PCDHA6: variants seen among roughly 807,000 people sequenced by gnomAD.
PCDHA6 encodes the protein protocadherin alpha-6.
In PCDHA6, 55 loss-of-function variants were observed where a neutral mutation model predicts 60.3. The observed-to-expected ratio is 0.91, with a 90% confidence interval of 0.73 to 1.14. The LOEUF (loss-of-function observed/expected upper bound fraction) is 1.14. Ranked by LOEUF, PCDHA6 falls within the 50% of genes most tolerant of loss-of-function variation. PCDHA6 has a pLI of 0.00. For synonymous variants in PCDHA6, 652 were observed against 557.9 expected, an observed-to-expected ratio of 1.17 and a Z score of -2.38; for missense variants, 1,327 against 1,256.5, an observed-to-expected ratio of 1.06 and a Z score of -0.85.
chr5:141,000,421 A>ATTTTTTTTTTTTT (rs34755515), intron 3 of PCDHA6, among the ~76,000 whole-genome samples: 1 of 27,968 alleles, frequency 3.6e-5, no homozygotes, highest in African/African-American at 1.8e-4. Flanking sequence ...ATATATATAT[A>ATTTTTTTTTTTTT]TTTTTTTTTT....
intron 1 of PCDHA6, chr5:140,877,965 G>A (rs1049843517): frequency 1.8e-5 from 23 of 1,304,904 alleles, no homozygotes; most frequent in Non-Finnish European, 2.2e-5. Context: ...CATCTTTCTT[G>A]GTCATTCTTA....
chr5:140,989,609 T>C (rs782186182), intron 3 of PCDHA6, among the ~76,000 whole-genome samples: 4 of 152,178 alleles, frequency 2.6e-5, no homozygotes, highest in Non-Finnish European at 5.9e-5. Flanking sequence ...AAACTAAAAA[T>C]GAAAGTCTGT....
At chr5:140,979,067 A>C (rs1938790025) in intron 2 of PCDHA6, 60 bp downstream of exon 2, 1 of 1,601,882 alleles carries the variant, frequency 6.2e-7, no homozygotes, top group Non-Finnish European at 8.5e-7. Flanking sequence ...GCTCAGATAA[A>C]CTGCATCTCC....
chr5:140,841,966 A>G, intron 1 of PCDHA6: 1 of 1,613,924 alleles, frequency 6.2e-7, no homozygotes, highest in Non-Finnish European at 8.5e-7. Context: ...TGACAGCCAC[A>G]GATGGGGGCA....
intron 1 of PCDHA6, chr5:140,853,694 G>A (rs1425849966): frequency 1.0e-6 from 1 of 988,064 alleles, no homozygotes; most frequent in African/African-American, 1.8e-5. Context: ...CCTTAGACCT[G>A]CTAACGCATT....
intron 1 of PCDHA6, chr5:140,882,841 A>G: frequency 6.2e-7 from 1 of 1,614,232 alleles, no homozygotes; most frequent in East Asian, 2.2e-5. Flanking sequence ...AAATGTCTTC[A>G]TTATCACTTG....
At chr5:140,948,253 A>C (rs782144804) in intron 1 of PCDHA6, among the ~76,000 whole-genome samples, 14 of 151,624 alleles carry the variant, frequency 9.2e-5, no homozygotes, top group Admixed American at 2.6e-4. Flanking sequence ...ATATTTTTAC[A>C]TCTGTGTTCA....
At chr5:140,843,304 C>G (rs2150356889) in intron 1 of PCDHA6, 4 of 1,595,876 alleles carry the variant, frequency 2.5e-6, no homozygotes, top group Middle Eastern at 1.7e-4. Context: ...CGCTGACCGC[C>G]ACGGCCACGG....
At chr5:140,932,709 A>G (rs2088560759) in intron 1 of PCDHA6, among the ~76,000 whole-genome samples, 1 of 151,956 alleles carries the variant, frequency 6.6e-6, no homozygotes, top group African/African-American at 2.4e-5. Context: ...TATAGACAAC[A>G]CAATAATATT....
chr5:140,931,585 A>G (rs1170746678), intron 1 of PCDHA6, among the ~76,000 whole-genome samples: 2 of 152,056 alleles, frequency 1.3e-5, no homozygotes, highest in Non-Finnish European at 2.9e-5. Context: ...ATTCAGTTGA[A>G]CAGTCTTTTT....
intron 1 of PCDHA6, chr5:140,849,883 T>A (rs2150456208): frequency 6.3e-7 from 1 of 1,598,406 alleles, no homozygotes; most frequent in Non-Finnish European, 8.6e-7. Context: ...TACACGGTGT[T>A]CGTGAAGGAG....
At chr5:140,967,489 A>G in intron 1 of PCDHA6, 4 of 1,613,456 alleles carry the variant, frequency 2.5e-6, no homozygotes, top group Non-Finnish European at 3.4e-6. Flanking sequence ...CGGGTACGGC[A>G]CAGATCTCTG....
At chr5:140,836,206 C>A (rs1554135734) in intron 1 of PCDHA6, 3 of 1,613,832 alleles carry the variant, frequency 1.9e-6, no homozygotes, top group Middle Eastern at 1.6e-4. Context: ...GCGTGGCTTT[C>A]GTATGAGTTG....
chr5:140,922,577 T>A (rs155818), intron 1 of PCDHA6, among the ~76,000 whole-genome samples: 2 of 152,016 alleles, frequency 1.3e-5, no homozygotes, highest in East Asian at 1.9e-4. Flanking sequence ...AGTTGCCCTG[T>A]AGCCGCCAGT....
chr5:140,999,304 C>G (rs1587831145), intron 3 of PCDHA6, among the ~76,000 whole-genome samples: 2 of 152,190 alleles, frequency 1.3e-5, no homozygotes, highest in East Asian at 3.8e-4. Flanking sequence ...TTCAGAATTT[C>G]TTCATGACAG....
chr5:140,907,761 T>C (rs1554193135), intron 1 of PCDHA6, among the ~76,000 whole-genome samples: 4 of 152,182 alleles, frequency 2.6e-5, no homozygotes, highest in African/African-American at 9.7e-5. Flanking sequence ...ATGGGCCCAT[T>C]GGGTGATGAC....
In PCDHA6 at chr5:141,010,032, T is replaced by C. The variant is rs529237892; in HGVS notation, c.*95T>C. 6.3e-7 allele frequency: 1 copy of C among 1,582,368 alleles called. No individual in the cohort carries two copies. Among genetic ancestry groups the C allele is most frequent in the African/African-American group, 1.4e-5 (1 of 73,468 alleles). On this transcript the variant is annotated 3_prime_UTR_variant, in exon 4 of 4. Transcript: ENST00000529310. ...TCCCTGCTCCTTTTTCCTATCTACA[T>C]GAGCCCTCTTAGAGACCTCAGAAAT...
Position 140,883,205 on chromosome 5 carries a change from A to G in PCDHA6, c.2394+52720A>G, listed in dbSNP as rs1402031440. 5 of 1,613,918 alleles carry G rather than the reference A, an allele frequency of 3.1e-6. No individual in the cohort carries two copies. In the African/African-American group the frequency reaches 6.7e-5, roughly 22 times the overall value. On this transcript the variant is annotated intron_variant, in intron 1 of 3. Transcript: ENST00000529310. Reference sequence around the variant, plus strand: ...AAAAGGCAAACTAGATTTCGAAGAAAAGAAATTATATGAAATATCCGTGGA... The same window carrying G: ...AAAAGGCAAACTAGATTTCGAAGAAGAGAAATTATATGAAATATCCGTGGA...
intron 1 of PCDHA6, chr5:140,927,217 A>C: frequency 6.2e-7 from 1 of 1,614,082 alleles, no homozygotes; most frequent in Non-Finnish European, 8.5e-7. Context: ...GGAGCTGCAC[A>C]AGATTCGGAT....
Sources: gnomAD v4.1 joint callset for allele counts (sites outside exome capture counted in the v4.1 genomes callset) on GRCh38, gnomAD v4.1.1 for gene constraint, MANE v1.5 for transcripts, NCBI Gene and HGNC (gene_info 2026-07-23, HGNC 2026-07-21) for gene names.